Variants in GATAD2B observed in about 807,000 individuals in gnomAD.
GATAD2B encodes transcriptional repressor p66-beta.
A neutral mutation model predicts 64.3 loss-of-function variants in GATAD2B; 8 were observed. The observed-to-expected ratio is 0.12, with a 90% CI of 0.07 to 0.22. The LOEUF (loss-of-function observed/expected upper bound fraction) is 0.22. GATAD2B is among the 10% of genes least tolerant of loss of function. The pLI is 1.00. For missense variants in GATAD2B, 453 were observed against 752.0 expected, an observed-to-expected ratio of 0.60 and a Z score of 4.65; for synonymous variants, 281 against 271.3, an observed-to-expected ratio of 1.04 and a Z score of -0.35.
intron 1 of GATAD2B, among the ~76,000 whole-genome samples, chr1:153,909,635 TAAAAATAC>T (rs1216232600): frequency 2.0e-5 from 3 of 150,718 alleles, no homozygotes; most frequent in African/African-American, 7.3e-5. Context: ...CTGTCTCTAT[TAAAAATAC>T]AAAATTTGGC....
At chr1:153,842,352 C>G (rs938772673) in intron 1 of GATAD2B, among the ~76,000 whole-genome samples, 17 of 152,012 alleles carry the variant, frequency 1.1e-4, no homozygotes, top group African/African-American at 3.9e-4. Flanking sequence ...TTTGAGAGTT[C>G]TTTATGTATT....
At chr1:153,904,279 C>CAAATAAAT (rs71093301) in intron 1 of GATAD2B, among the ~76,000 whole-genome samples, 1,515 of 147,332 alleles carry the variant, frequency 0.01, 23 homozygotes, top group African/African-American at 0.029. Context: ...AACTCCATCT[C>CAAATAAAT]AAATAAATAA....
chr1:153,867,620 GA>G (rs1406793597), intron 1 of GATAD2B, among the ~76,000 whole-genome samples: 2 of 152,124 alleles, frequency 1.3e-5, no homozygotes, highest in Non-Finnish European at 2.9e-5. Flanking sequence ...AGCACTTTGG[GA>G]GGCTGAGGCG....
chr1:153,913,541 G>A (rs924348403), intron 1 of GATAD2B, among the ~76,000 whole-genome samples: 3 of 152,170 alleles, frequency 2.0e-5, no homozygotes, highest in East Asian at 1.9e-4. Context: ...TGAAGGTGAA[G>A]GCTAAGCTGG....
At chr1:153,891,238 G>C (rs1030415214) in intron 1 of GATAD2B, among the ~76,000 whole-genome samples, 2 of 150,040 alleles carry the variant, frequency 1.3e-5, no homozygotes, top group African/African-American at 2.5e-5. Context: ...GAAGGGAAAG[G>C]AAAGAAAGAG....
chr1:153,818,303 G>T, intron 4 of GATAD2B, 132 bp from the exon 5 acceptor site: 11 of 603,242 alleles, frequency 1.8e-5, no homozygotes, highest in South Asian at 8.1e-5. Context: ...GAAAAAGGGA[G>T]TCAAGGTTTT....
At chr1:153,837,724 T>TA (rs939155990) in intron 1 of GATAD2B, among the ~76,000 whole-genome samples, 7 of 151,386 alleles carry the variant, frequency 4.6e-5, no homozygotes, top group African/African-American at 9.7e-5. Flanking sequence ...GTAAATATAC[T>TA]AAAAAAAAAT....
Position 153,828,358 on chromosome 1 carries a change from G to GA in GATAD2B, c.-1-11dup, listed in dbSNP as rs1557789182. The GA allele has an allele frequency of 7.5e-6, 12 of 1,595,396 alleles. No homozygotes were observed. Among genetic ancestry groups the GA allele is most frequent in the Non-Finnish European group, 1.0e-5 (12 of 1,172,990 alleles). On this transcript the variant is annotated splice_polypyrimidine_tract_variant and intron_variant, in intron 1 of 10. Coordinates refer to ENST00000368655, the MANE Select transcript of GATAD2B (RefSeq NM_020699.4). The stretch of plus-strand genomic sequence containing the variant: ...TGTCATTCTATCCATCCTATGGAAA[G>GA]AAAAATACAAGTAAGATCAGAATAA...
At chr1:153,815,289 A>AC (rs1283076415) in intron 7 of GATAD2B, among the ~76,000 whole-genome samples, 4 of 146,002 alleles carry the variant, frequency 2.7e-5, no homozygotes, top group Non-Finnish European at 6.1e-5. Flanking sequence ...ACAAAAAAAA[A>AC]AAACAAAAAA....
intron 1 of GATAD2B, among the ~76,000 whole-genome samples, chr1:153,899,241 T>C (rs967411260): frequency 2.6e-5 from 4 of 151,392 alleles, no homozygotes; most frequent in African/African-American, 9.7e-5. Context: ...CTGGGCAACA[T>C]GGCGAGATCT....
intron 1 of GATAD2B, among the ~76,000 whole-genome samples, chr1:153,878,313 A>T (rs754434473): frequency 6.6e-5 from 10 of 151,732 alleles, no homozygotes; most frequent in Non-Finnish European, 1.2e-4. Context: ...ATTTTTTGTA[A>T]AGATGGAATC....
At chr1:153,876,454 C>A (rs1187769963) in intron 1 of GATAD2B, among the ~76,000 whole-genome samples, 12 of 152,096 alleles carry the variant, frequency 7.9e-5, no homozygotes, top group Non-Finnish European at 1.8e-4. Flanking sequence ...TTCTGTATCA[C>A]TGAGTTTACT....
intron 1 of GATAD2B, among the ~76,000 whole-genome samples, chr1:153,909,253 G>T (rs145144099): frequency 2.6e-5 from 4 of 151,352 alleles, no homozygotes; most frequent in East Asian, 4.0e-4. Context: ...TTGCTCTGTC[G>T]CCCAGGCTGG....
chr1:153,849,738 C>G (rs1393111506), intron 1 of GATAD2B, among the ~76,000 whole-genome samples: 2 of 152,182 alleles, frequency 1.3e-5, no homozygotes, highest in African/African-American at 4.8e-5. Flanking sequence ...TCAAGCGATT[C>G]TCCTGCCTCA....
At chr1:153,892,182 A>G (rs72694246) in intron 1 of GATAD2B, among the ~76,000 whole-genome samples, 2,116 of 151,114 alleles carry the variant, frequency 0.014, 21 homozygotes, top group Non-Finnish European at 0.022. Flanking sequence ...AAAAAAAAAA[A>G]AAAGAAAAGA....
intron 2 of GATAD2B, chr1:153,827,654 C>T (rs886849705): frequency 2.8e-5 from 6 of 211,616 alleles, no homozygotes; most frequent in African/African-American, 1.4e-4. Context: ...CATCCTAAAA[C>T]TCCTGGAATT....
chr1:153,875,141 G>A (rs745662645), intron 1 of GATAD2B, among the ~76,000 whole-genome samples: 3 of 151,930 alleles, frequency 2.0e-5, no homozygotes, highest in Admixed American at 6.6e-5. Context: ...GCCTCCCAAA[G>A]TGCTGGAATT....
At chr1:153,867,334 G>A (rs532275249) in intron 1 of GATAD2B, among the ~76,000 whole-genome samples, 1 of 152,204 alleles carries the variant, frequency 6.6e-6, no homozygotes, top group Admixed American at 6.5e-5. Context: ...GCAACCAGGA[G>A]GTTAGAAATA....
rs371914728 is a variant in GATAD2B at position 153,818,085 on chromosome 1, C to A, written c.684G>T (p.Arg228=). The change falls in exon 5 of 11, where the codon CGG becomes CGT. Residue 228 remains arginine (R), a synonymous_variant. Transcript: ENST00000368655. ...GQQGLSKLPS[R]PGAQGVEPQN... ...GAGGTTCAACCCCTTGGGCCCCAGG[C>A]CGAGAGGGAAGCTTAGATAGGCCCT... is the stretch of plus-strand genomic sequence containing the variant. 13 of 1,612,682 alleles carry A rather than the reference C, an allele frequency of 8.1e-6. No homozygotes were observed. The African/African-American group carries it at 1.3e-4, about 17-fold the overall frequency.
Sources: allele counts gnomAD v4.1 joint callset (sites outside exome capture counted in the v4.1 genomes callset), GRCh38; gene constraint gnomAD v4.1.1; transcripts MANE v1.5; gene names NCBI Gene and HGNC (gene_info 2026-07-23, HGNC 2026-07-21).